RPS6KC1: variants seen among roughly 807,000 people sequenced by gnomAD.
RPS6KC1 encodes the protein ribosomal protein S6 kinase C1, also known as inactive ribosomal protein S6 kinase delta-1.
Under a neutral mutation model 103.8 loss-of-function variants are expected in RPS6KC1, and 54 were observed. The observed-to-expected ratio is 0.52, with a 90% CI of 0.42 to 0.65. RPS6KC1 has a LOEUF of 0.65. Among genes scored for constraint, RPS6KC1 ranks in the 30% least tolerant of loss-of-function variants. The pLI is 0.00. For synonymous variants in RPS6KC1, 439 were observed against 438.7 expected (o/e 1.00, Z -0.01); for missense variants, 1,151 against 1,253.8 (o/e 0.92, Z 1.24).
the RPS6KC1 span, among the ~76,000 whole-genome samples, chr1:213,716,704 A>G: frequency 6.6e-6 from 1 of 152,162 alleles, no homozygotes; most frequent in African/African-American, 2.4e-5. Context: ...TTGGGTATAT[A>G]TATAGTTTCC....
At chr1:213,216,341 C>T (rs1192181369) in intron 8 of RPS6KC1, among the ~76,000 whole-genome samples, 3 of 152,132 alleles carry the variant, frequency 2.0e-5, no homozygotes, top group Admixed American at 1.3e-4. Flanking sequence ...TATATATGCA[C>T]CCAATACAGG....
chr1:213,820,622 A>C, the RPS6KC1 span: 18 of 152,236 alleles, frequency 1.2e-4, no homozygotes, highest in East Asian at 7.7e-4. Context: ...CACACACACA[A>C]AAACTAAACA....
chr1:213,446,550 T>C, the RPS6KC1 span, among the ~76,000 whole-genome samples: 3 of 152,176 alleles, frequency 2.0e-5, no homozygotes, highest in South Asian at 2.1e-4. Flanking sequence ...ATCTTCATCA[T>C]TGAGAGTAAT....
chr1:213,323,806 T>TTA, the RPS6KC1 span, among the ~76,000 whole-genome samples: 2 of 152,232 alleles, frequency 1.3e-5, no homozygotes, highest in Non-Finnish European at 2.9e-5. Context: ...GTCTCCTCTA[T>TTA]TATCAATATC....
At chr1:213,259,734 A>ATTTTTTTTTTTTT (rs71147063) in intron 12 of RPS6KC1, among the ~76,000 whole-genome samples, 1 of 97,918 alleles carries the variant, frequency 1.0e-5, no homozygotes, top group Admixed American at 1.5e-4. Context: ...TGTTTTTTTA[A>ATTTTTTTTTTTTT]TTTTTTTTTT....
At chr1:213,313,398 C>CACCTCCCCTACTCCTTCCT in the RPS6KC1 span, among the ~76,000 whole-genome samples, 1 of 151,990 alleles carries the variant, frequency 6.6e-6, no homozygotes, top group African/African-American at 2.4e-5. Context: ...CACTCCTCCC[C>CACCTCCCCTACTCCTTCCT]ACCTCCCCTA....
At chr1:213,258,171 C>T (rs1452338184) in intron 12 of RPS6KC1, among the ~76,000 whole-genome samples, 10 of 151,826 alleles carry the variant, frequency 6.6e-5, no homozygotes, top group East Asian at 1.9e-4. Context: ...TTAGTAGAGA[C>T]GGGGTTTTAC....
chr1:213,473,700 G>A, the RPS6KC1 span, among the ~76,000 whole-genome samples: 10 of 152,316 alleles, frequency 6.6e-5, no homozygotes, highest in South Asian at 2.1e-3. Context: ...GGATATTTGC[G>A]GAAGTCCACG....
the RPS6KC1 span, among the ~76,000 whole-genome samples, chr1:213,466,704 A>G: frequency 6.6e-6 from 1 of 152,172 alleles, no homozygotes; most frequent in Non-Finnish European, 1.5e-5. Flanking sequence ...CTCTTAATGT[A>G]TCTTTATCAT....
chr1:213,387,209 T>C, the RPS6KC1 span, among the ~76,000 whole-genome samples: 8 of 152,366 alleles, frequency 5.3e-5, no homozygotes, highest in Middle Eastern at 3.4e-3. Flanking sequence ...GCAGGGTTGC[T>C]GGAGGGAGTT....
the RPS6KC1 span, among the ~76,000 whole-genome samples, chr1:213,564,065 G>A: frequency 2.7e-5 from 4 of 147,222 alleles, no homozygotes; most frequent in Admixed American, 6.9e-5. Flanking sequence ...ATTACTGTTA[G>A]TAATGAATTC....
At chr1:213,740,972 A>G in the RPS6KC1 span, among the ~76,000 whole-genome samples, 1 of 149,106 alleles carries the variant, frequency 6.7e-6, no homozygotes, top group Non-Finnish European at 1.5e-5. Context: ...ACACATATAT[A>G]TATCAGATAT....
At chr1:213,745,190 T>A in the RPS6KC1 span, among the ~76,000 whole-genome samples, 1 of 152,128 alleles carries the variant, frequency 6.6e-6, no homozygotes, top group Non-Finnish European at 1.5e-5. Flanking sequence ...AGGAACTGAT[T>A]TTATTTCCCA....
At chr1:213,599,618 T>C in the RPS6KC1 span, among the ~76,000 whole-genome samples, 1 of 152,204 alleles carries the variant, frequency 6.6e-6, no homozygotes, top group Non-Finnish European at 1.5e-5. Context: ...TCTTTTGTCT[T>C]ATTATTGCCA....
chr1:213,159,903 C>T (rs1039018697), intron 6 of RPS6KC1, among the ~76,000 whole-genome samples: 9 of 152,100 alleles, frequency 5.9e-5, no homozygotes, highest in Non-Finnish European at 1.3e-4. Flanking sequence ...TGGATATCTA[C>T]GATTATTTTA....
the RPS6KC1 span, among the ~76,000 whole-genome samples, chr1:213,548,156 G>A: frequency 2.6e-5 from 4 of 152,320 alleles, no homozygotes; most frequent in Non-Finnish European, 5.9e-5. Context: ...AAGTTACAGA[G>A]CAGCAAAAGT....
chr1:213,576,387 T>TTTA, the RPS6KC1 span, among the ~76,000 whole-genome samples: 1 of 150,572 alleles, frequency 6.6e-6, no homozygotes, highest in Non-Finnish European at 1.5e-5. Context: ...TTTTTTTTTT[T>TTTA]AACAAATTGA....
chr1:213,317,203 A>T, the RPS6KC1 span, among the ~76,000 whole-genome samples: 1 of 152,208 alleles, frequency 6.6e-6, no homozygotes, highest in Non-Finnish European at 1.5e-5. Context: ...CTTTCTGAAG[A>T]AGGCGTTCTC....
At chr1:213,435,739 G>T in the RPS6KC1 span, among the ~76,000 whole-genome samples, 11 of 152,228 alleles carry the variant, frequency 7.2e-5, 3 homozygotes, top group East Asian at 2.1e-3. Flanking sequence ...TTCTTTCCTG[G>T]GACTTGGGTA....
Sources: gnomAD v4.1 joint callset for allele counts (sites outside exome capture counted in the v4.1 genomes callset) on GRCh38, gnomAD v4.1.1 for gene constraint, MANE v1.5 for transcripts, NCBI Gene and HGNC (gene_info 2026-07-23, HGNC 2026-07-21) for gene names.